The following ENPP6 variants were observed in gnomAD, a reference collection of about 807,000 sequenced individuals.
ENPP6 encodes the protein glycerophosphocholine cholinephosphodiesterase ENPP6.
In ENPP6, 32 loss-of-function variants were observed where a neutral mutation model predicts 42.0. The ratio of observed to expected loss-of-function variants is 0.76; its 90% CI spans 0.58 to 1.02. The LOEUF is 1.02. Ranked by LOEUF, ENPP6 falls within the 50% of genes least tolerant of loss-of-function variation. The pLI is 0.00. For missense variants in ENPP6, 552 were observed against 566.8 expected, an observed-to-expected ratio of 0.97 and a Z score of 0.27; for synonymous variants, 213 against 216.0, an observed-to-expected ratio of 0.99 and a Z score of 0.12.
intron 2 of ENPP6, among the ~76,000 whole-genome samples, chr4:184,125,086 T>C (rs1206266648): frequency 6.6e-6 from 1 of 152,210 alleles, no homozygotes; most frequent in African/African-American, 2.4e-5. Flanking sequence ...TAGGGTCTCC[T>C]TCCGGGAGCA....
At chr4:184,145,918 A>G (rs140941538) in intron 2 of ENPP6, among the ~76,000 whole-genome samples, 1 of 152,380 alleles carries the variant, frequency 6.6e-6, no homozygotes, top group East Asian at 1.9e-4. Context: ...TTTGGAACAA[A>G]GCAATCTGGC....
intron 1 of ENPP6, among the ~76,000 whole-genome samples, chr4:184,172,093 C>T (rs11132228): frequency 0.86 from 131,010 of 152,018 alleles, 57,305 homozygotes; most frequent in East Asian, 1. Context: ...ATGGGAAACC[C>T]GGTGTAACAA....
At position 184,090,406 on chromosome 4, in the gene ENPP6, G is replaced by C. The variant is rs1326406490; in HGVS notation, c.*771C>G. 1 of 152,244 alleles carries C rather than the reference G, an allele frequency of 6.6e-6. No homozygotes were observed. The highest frequency in any genetic ancestry group is 1.5e-5 in the Non-Finnish European group (1 of 68,052). 9.4% of individuals were successfully genotyped at this position (152,244 alleles called of 1,614,324 possible). On this transcript the variant is annotated 3_prime_UTR_variant, in exon 8 of 8. Coordinates refer to ENST00000296741, the MANE Select transcript of ENPP6 (RefSeq NM_153343.4). Reference sequence around the variant, plus strand: ...ATATGCAGGGCCTGCTATGTGCCGGGCTTCATGCCACGATACACTATGTGT... The same window carrying C: ...ATATGCAGGGCCTGCTATGTGCCGGCCTTCATGCCACGATACACTATGTGT...
At chr4:184,114,610 C>T (rs1736283634) in intron 5 of ENPP6, among the ~76,000 whole-genome samples, 1 of 152,162 alleles carries the variant, frequency 6.6e-6, no homozygotes, top group Admixed American at 6.5e-5. Flanking sequence ...ATGGCCCCCG[C>T]TTTTGAATAC....
At chr4:184,143,561 C>A (rs539906805) in intron 2 of ENPP6, among the ~76,000 whole-genome samples, 1 of 152,224 alleles carries the variant, frequency 6.6e-6, no homozygotes, top group Non-Finnish European at 1.5e-5. Flanking sequence ...CTCCCCTTCT[C>A]CATGGACCTC....
chr4:184,166,287 A>C (rs1036265567), intron 1 of ENPP6, among the ~76,000 whole-genome samples: 22 of 152,216 alleles, frequency 1.4e-4, no homozygotes, highest in Admixed American at 7.2e-4. Context: ...ATGGGCTTTG[A>C]TTATAGTGTG....
At chr4:184,121,370 T>C (rs1736414479) in intron 3 of ENPP6, among the ~76,000 whole-genome samples, 1 of 152,208 alleles carries the variant, frequency 6.6e-6, no homozygotes, top group African/African-American at 2.4e-5. Context: ...CAGACCTCTA[T>C]GTTCAAGATC....
At chr4:184,122,008 T>C (rs368159351) in intron 3 of ENPP6, among the ~76,000 whole-genome samples, 40 of 152,304 alleles carry the variant, frequency 2.6e-4, no homozygotes, top group African/African-American at 9.6e-4. Flanking sequence ...CAGCCTATTA[T>C]TATTCTTTTC....
chr4:184,208,337 C>T, intron 1 of ENPP6, among the ~76,000 whole-genome samples: 1 of 152,306 alleles, frequency 6.6e-6, no homozygotes, highest in African/African-American at 2.4e-5. Flanking sequence ...CTGGGTTCAT[C>T]TCACTAGGGA....
Position 184,211,305 on chromosome 4 carries a change from T to G in ENPP6, c.241+6274A>C, listed in dbSNP as rs1378868903. Among the ~76,000 whole-genome samples the G allele has an allele frequency of 3.9e-5, 6 of 152,082 alleles. No individual in the cohort carries two copies. The South Asian group carries it at 1.2e-3, about 32-fold the overall frequency. ...AAAATCAATGAATCCAGGAGCTGGTTTTTTGAAAGGATCAACAAAATTGAT... is the reference window on the plus strand; with the variant it reads ...AAAATCAATGAATCCAGGAGCTGGTGTTTTGAAAGGATCAACAAAATTGAT... On this transcript the variant is annotated intron_variant, in intron 1 of 7. Coordinates refer to ENST00000296741, the MANE Select transcript of ENPP6 (RefSeq NM_153343.4).
At chr4:184,125,782 T>C (rs1736493793) in intron 2 of ENPP6, among the ~76,000 whole-genome samples, 1 of 152,130 alleles carries the variant, frequency 6.6e-6, no homozygotes, top group Non-Finnish European at 1.5e-5. Context: ...GAGGGAAAAA[T>C]AGGCTAGGTG....
chr4:184,200,577 C>T (rs563603604), intron 1 of ENPP6, among the ~76,000 whole-genome samples: 2 of 152,338 alleles, frequency 1.3e-5, no homozygotes, highest in African/African-American at 2.4e-5. Flanking sequence ...GGTCTTCTCA[C>T]GCTAAACAGC....
chr4:184,107,262 T>A (rs1736111975), intron 6 of ENPP6, among the ~76,000 whole-genome samples: 1 of 152,190 alleles, frequency 6.6e-6, no homozygotes, highest in African/African-American at 2.4e-5. Flanking sequence ...CCATTTCCTA[T>A]CCTTGAAGCA....
chr4:184,137,926 C>T (rs1314315899), intron 2 of ENPP6, among the ~76,000 whole-genome samples: 1 of 152,184 alleles, frequency 6.6e-6, no homozygotes, highest in Non-Finnish European at 1.5e-5. Context: ...GTCTCTGGTC[C>T]ATCACATGCA....
intron 1 of ENPP6, among the ~76,000 whole-genome samples, chr4:184,157,565 C>G (rs1296786264): frequency 7.7e-5 from 11 of 143,728 alleles, no homozygotes; most frequent in African/African-American, 2.9e-4. Flanking sequence ...CTCTTTCTTT[C>G]CTTTCTTTCC....
chr4:184,131,648 G>A (rs1324081260), intron 2 of ENPP6, among the ~76,000 whole-genome samples: 1 of 151,834 alleles, frequency 6.6e-6, no homozygotes, highest in Non-Finnish European at 1.5e-5. Flanking sequence ...ACAGGTGTGA[G>A]CCATCACGCC....
intron 1 of ENPP6, among the ~76,000 whole-genome samples, chr4:184,208,597 G>A (rs1281761681): frequency 6.6e-5 from 10 of 151,448 alleles, no homozygotes; most frequent in African/African-American, 1.9e-4. Context: ...CTACGCCCAC[G>A]GAGTCTCGCT....
intron 1 of ENPP6, among the ~76,000 whole-genome samples, chr4:184,159,497 T>C (rs1399745038): frequency 6.6e-6 from 1 of 152,226 alleles, no homozygotes; most frequent in African/African-American, 2.4e-5. Flanking sequence ...TGCATAGTGA[T>C]AAATAGTCCT....
intron 2 of ENPP6, among the ~76,000 whole-genome samples, chr4:184,151,962 T>G (rs921608367): frequency 1.3e-5 from 2 of 152,184 alleles, no homozygotes; most frequent in African/African-American, 4.8e-5. Context: ...TGCTCAAAGG[T>G]GTCTTGCGTC....
Sources: gnomAD v4.1 joint callset for allele counts (sites outside exome capture counted in the v4.1 genomes callset) on GRCh38, gnomAD v4.1.1 for gene constraint, MANE v1.5 for transcripts, NCBI Gene and HGNC (gene_info 2026-07-23, HGNC 2026-07-21) for gene names.